Variants in ASH2L observed in about 807,000 individuals in gnomAD.
ASH2L encodes the protein ASH2 like, histone lysine methyltransferase complex subunit.
In ASH2L, 30 loss-of-function variants were observed where a neutral mutation model predicts 81.1. The ratio of observed to expected loss-of-function variants is 0.37; its 90% CI spans 0.28 to 0.50. The LOEUF is 0.50. ASH2L is among the 20% of genes least tolerant of loss of function. The pLI is 0.95. For missense variants in ASH2L, 559 were observed against 792.1 expected, an observed-to-expected ratio of 0.71 and a Z score of 3.53; for synonymous variants, 273 against 279.9, an observed-to-expected ratio of 0.98 and a Z score of 0.24.
chr8:38,132,976 A>C (rs1204818698), intron 12 of ASH2L, among the ~76,000 whole-genome samples: 1 of 151,492 alleles, frequency 6.6e-6, no homozygotes, highest in East Asian at 1.9e-4. Flanking sequence ...AATCCCAGCT[A>C]CTCGAGAGCC....
At chr8:38,133,773 A>G (rs1802150952) in intron 13 of ASH2L, among the ~76,000 whole-genome samples, 1 of 152,192 alleles carries the variant, frequency 6.6e-6, no homozygotes, top group African/African-American at 2.4e-5. Context: ...ATAACTCTGT[A>G]GAGAAAAGTG....
At chr8:38,127,077 G>A (rs1434097091) in intron 10 of ASH2L, among the ~76,000 whole-genome samples, 3 of 150,452 alleles carry the variant, frequency 2.0e-5, no homozygotes, top group Non-Finnish European at 4.4e-5. Flanking sequence ...CAGGAGGATT[G>A]TTTGAGCCCA....
intron 1 of ASH2L, chr8:38,105,969 C>G: frequency 6.5e-7 from 1 of 1,526,960 alleles, no homozygotes; most frequent in South Asian, 1.2e-5. Flanking sequence ...TATCTCTGAT[C>G]CTTGCACCCT....
At chr8:38,117,973 C>CCAG (rs1287749751) in intron 8 of ASH2L, among the ~76,000 whole-genome samples, 2 of 152,080 alleles carry the variant, frequency 1.3e-5, no homozygotes, top group African/African-American at 4.8e-5. Context: ...GCAGGAGAAT[C>CCAG]GTTTGAACCC....
At chr8:38,133,632 GC>G in intron 13 of ASH2L, 86 bp downstream of exon 13, 1 of 1,081,792 alleles carries the variant, frequency 9.2e-7, no homozygotes, top group African/African-American at 1.6e-5. Flanking sequence ...GGAACACGAG[GC>G]CCAAAGGGGA....
In ASH2L at chr8:38,139,284, G is replaced by A. The variant is rs1008122699; in HGVS notation, c.*213G>A. 7.9e-6 allele frequency: 4 copies of A among 505,494 alleles called. No homozygotes were observed. The Middle Eastern group carries it at 1.6e-3, about 200-fold the overall frequency. The allele number at this position is 505,494 out of a possible 1,614,324, so 31.3% of individuals were successfully genotyped here. On this transcript the variant is annotated 3_prime_UTR_variant, in exon 16 of 16. Coordinates refer to ENST00000343823, the MANE Select transcript of ASH2L (RefSeq NM_004674.5). Reference sequence around the variant, plus strand: ...ACTGCTCTTATTTTGTGTACCATAAGCCAACAACCGCTGACTCCAGGATTG... The same window carrying A: ...ACTGCTCTTATTTTGTGTACCATAAACCAACAACCGCTGACTCCAGGATTG...
chr8:38,124,266 G>C (rs1251699588), intron 10 of ASH2L: 2 of 151,712 alleles, frequency 1.3e-5, no homozygotes, highest in African/African-American at 4.9e-5. Flanking sequence ...GAGTGCAATG[G>C]TGCAATCTCA....
intron 13 of ASH2L, among the ~76,000 whole-genome samples, chr8:38,134,550 C>T (rs1351162667): frequency 6.6e-6 from 1 of 152,124 alleles, no homozygotes; most frequent in East Asian, 1.9e-4. Context: ...AACATGTCTG[C>T]CCAAGGTCAT....
At chr8:38,131,355 T>TA (rs980158542) in intron 12 of ASH2L, among the ~76,000 whole-genome samples, 2,614 of 145,848 alleles carry the variant, frequency 0.018, 63 homozygotes, top group African/African-American at 0.06. Flanking sequence ...TTCCTTTAAT[T>TA]AAAAAAAAAA....
chr8:38,138,803 G>T lies in ASH2L; in HGVS notation c.1720-13G>T. ...CATTTTTTCCATGTCTGCTTGAATT[G>T]AATTCGCTCCAGGTTTCCATTAACT... On this transcript the variant is annotated splice_polypyrimidine_tract_variant and intron_variant, in intron 14 of 15. Transcript: ENST00000343823. 6.2e-7 allele frequency: 1 copy of T among 1,611,488 alleles called. No individual in the cohort carries two copies. The highest frequency in any genetic ancestry group is 8.5e-7 in the Non-Finnish European group (1 of 1,179,154).
Position 38,121,146 on chromosome 8 carries a change from C to A in ASH2L, c.1162C>A (p.Arg388=). 2 of 1,612,248 alleles carry A rather than the reference C, an allele frequency of 1.2e-6. No homozygotes were observed. The highest frequency in any genetic ancestry group is 1.1e-5 in the South Asian group (1 of 90,950). The change falls in exon 10 of 16, where the codon CGA becomes AGA. Residue 388 remains arginine (R), a synonymous_variant. Coordinates refer to ENST00000343823, the MANE Select transcript of ASH2L (RefSeq NM_004674.5). The part of the protein sequence containing the change: ...YERVLLALHD[R]APQLKISDDR... ...ACGGGTTTTGTTAGCCCTACATGATCGAGGTATGTAAAGTATTGGAGATCA... is the reference window on the plus strand; with the variant it reads ...ACGGGTTTTGTTAGCCCTACATGATAGAGGTATGTAAAGTATTGGAGATCA...
chr8:38,119,349 C>T lies in ASH2L; in HGVS notation c.933C>T (p.Thr311=), dbSNP rs1385019357. The T allele has an allele frequency of 1.9e-6, 3 of 1,544,350 alleles. No individual in the cohort carries two copies. The East Asian group carries it at 7.4e-5, about 38-fold the overall frequency. Residue 311 remains threonine, a synonymous_variant, in exon 9 of 16, where the codon ACC becomes ACT. Coordinates refer to ENST00000343823, the MANE Select transcript of ASH2L (RefSeq NM_004674.5). ...AGGATGGAGGGACCACAGGGACCAC[C>T]AAGAAGGCCCGGAGGTGGGGAGAGT... ...KQQDGGTTGT[T]KKARSDPLFS...
chr8:38,107,835 C>G (rs567189184), intron 3 of ASH2L, among the ~76,000 whole-genome samples: 1 of 150,886 alleles, frequency 6.6e-6, no homozygotes, highest in Non-Finnish European at 1.5e-5. Flanking sequence ...TGAAATTAAT[C>G]CACCTTGGGT....
chr8:38,110,245 A>T (rs770478465), intron 3 of ASH2L, 134 bp from the exon 4 acceptor site: 9 of 679,744 alleles, frequency 1.3e-5, no homozygotes, highest in Non-Finnish European at 2.3e-5. Context: ...AGGGAACGTC[A>T]AGTCTGCAGT....
intron 10 of ASH2L, among the ~76,000 whole-genome samples, chr8:38,124,937 C>T (rs2130539072): frequency 6.6e-6 from 1 of 152,290 alleles, no homozygotes; most frequent in Admixed American, 6.5e-5. Flanking sequence ...TGGTAGAAGG[C>T]AAAGCGGAGC....
At chr8:38,138,478 T>C (rs1802357861) in intron 14 of ASH2L, 1 of 232,658 alleles carries the variant, frequency 4.3e-6, no homozygotes, top group Non-Finnish European at 8.3e-6. Flanking sequence ...TTTAACGTTT[T>C]ATCTGTAGGT....
intron 10 of ASH2L, among the ~76,000 whole-genome samples, chr8:38,126,592 C>A (rs1048461791): frequency 1.3e-5 from 2 of 152,164 alleles, no homozygotes; most frequent in Non-Finnish European, 2.9e-5. Flanking sequence ...CGGTGGCTCA[C>A]GCCTGTAATC....
chr8:38,113,805 A>C (rs1810784227), intron 5 of ASH2L, among the ~76,000 whole-genome samples: 1 of 152,222 alleles, frequency 6.6e-6, no homozygotes, highest in African/African-American at 2.4e-5. Context: ...AGTCACAAGA[A>C]GTTTGAGGTC....
rs1198105918 is a variant in ASH2L, at chr8:38,128,402, C to T, written c.1277C>T (p.Thr426Ile). 6.2e-7 allele frequency: 1 copy of T among 1,614,198 alleles called. No individual in the cohort carries two copies. The highest frequency in any genetic ancestry group is 8.5e-7 in the Non-Finnish European group (1 of 1,180,042). ...AAAGGTGCCTGGTATTTTGAAATCA[C>T]TGTGGATGAGATGCCACCAGATACC... The part of the protein sequence containing the change: ...VRKGAWYFEI[T>I]VDEMPPDTAA... The change falls in exon 11 of 16, where the codon ACT (threonine) becomes ATT (isoleucine). Residue 426 changes from threonine to isoleucine, a missense_variant. Coordinates refer to ENST00000343823, the MANE Select transcript of ASH2L (RefSeq NM_004674.5).
Sources: allele counts gnomAD v4.1 joint callset (sites outside exome capture counted in the v4.1 genomes callset), GRCh38; gene constraint gnomAD v4.1.1; transcripts MANE v1.5; gene names NCBI Gene and HGNC (gene_info 2026-07-23, HGNC 2026-07-21).